Variants in WNK4 observed in about 807,000 individuals in gnomAD.
WNK4 encodes the protein serine/threonine-protein kinase WNK4.
A neutral mutation model predicts 116.2 loss-of-function variants in WNK4; 94 were observed. That is an observed-to-expected ratio of 0.81 (90% CI 0.68 to 0.96). WNK4 has a LOEUF of 0.96. Ranked by LOEUF, WNK4 falls within the 40% of genes least tolerant of loss-of-function variation. WNK4 has a pLI of 0.00. For synonymous variants in WNK4, 655 were observed against 672.7 expected, an observed-to-expected ratio of 0.97 and a Z score of 0.41; for missense variants, 1,542 against 1,650.6, an observed-to-expected ratio of 0.93 and a Z score of 1.14.
In WNK4 at chr17:42,784,363, C is replaced by T; in HGVS notation, c.1013-59C>T. 2 of 1,596,104 alleles carry T rather than the reference C, an allele frequency of 1.3e-6. No homozygotes were observed. Among genetic ancestry groups the T allele is most frequent in the South Asian group, 2.3e-5 (2 of 88,758 alleles). On this transcript the variant is annotated intron_variant, in intron 3 of 18. Coordinates refer to ENST00000246914, the MANE Select transcript of WNK4 (RefSeq NM_032387.5). This position sits in a 1 kb window ranked among gnomAD's most constrained non-coding sequence, Gnocchi z 4.4. ...CAGGGTTGCCTGGGGCTGCCTAGCC[C>T]AGTGGGAAGGACGAGGCCAGAGTGC...
chr17:42,796,512 C>G lies in WNK4; in HGVS notation c.3663C>G (p.Ser1221Arg). The G allele has an allele frequency of 6.2e-7, 1 of 1,614,028 alleles. No individual in the cohort carries two copies. Among genetic ancestry groups the G allele is most frequent in the Non-Finnish European group, 8.5e-7 (1 of 1,179,906 alleles). ...GIMRRNSLSG[S>R]STGSQEQRAS... The stretch of plus-strand genomic sequence containing the variant: ...TGCGAAGGAACTCTCTGAGTGGCAG[C>G]AGCACCGGCTCCCAGGAGCAGCGGG... The change falls in exon 18 of 19, where the codon AGC (serine) becomes AGG (arginine). Residue 1221 changes from serine (S) to arginine (R), a missense_variant. Physicochemically the swap from Ser to Arg is moderately radical, Grantham distance 110 (BLOSUM62 -1). Around this residue, in one of 7 missense-constraint regions of WNK4, gnomAD observed 148 missense variants for 157.2 expected, o/e 0.94. Coordinates refer to ENST00000246914, the MANE Select transcript of WNK4 (RefSeq NM_032387.5).
chr17:42,789,455 G>A (rs1204394583), intron 11 of WNK4, among the ~76,000 whole-genome samples: 1 of 150,866 alleles, frequency 6.6e-6, no homozygotes, highest in Non-Finnish European at 1.5e-5. Context: ...CCGAGGTCAG[G>A]AGTTCAAGAC....
rs996568896 is a variant in WNK4, at chr17:42,790,014, CAAAAACAA to C, written c.2157+1229_2157+1236del. 1.1e-4 allele frequency among the ~76,000 whole-genome samples: 16 copies of C among 150,906 alleles called. No individual in the cohort carries two copies. In the East Asian group the frequency reaches 2.7e-3, roughly 26 times the overall value. On this transcript the variant is annotated intron_variant, in intron 11 of 18. Coordinates refer to ENST00000246914, the MANE Select transcript of WNK4 (RefSeq NM_032387.5). ...GAGTGAACTTTGTCTCAAAAAAAAACAAAAACAAAAAAACAAAAAGGCACAGTGTAACG... is the reference window on the plus strand; with the variant it reads ...GAGTGAACTTTGTCTCAAAAAAAAACAAAAACAAAAAGGCACAGTGTAACG...
chr17:42,785,586 G>T, intron 6 of WNK4, 104 bp downstream of exon 6: 2 of 1,350,120 alleles, frequency 1.5e-6, no homozygotes, highest in South Asian at 1.3e-5. Flanking sequence ...AGCGATGGGG[G>T]CGGGGCACCT....
chr17:42,796,722 C>G lies in WNK4; in HGVS notation c.*34C>G. 1 of 1,614,182 alleles carries G rather than the reference C, an allele frequency of 6.2e-7. No individual in the cohort carries two copies. The highest frequency in any genetic ancestry group is 8.5e-7 in the Non-Finnish European group (1 of 1,180,028). On this transcript the variant is annotated 3_prime_UTR_variant, in exon 19 of 19. Transcript: ENST00000246914. ...CAGAAGCCATGTATCTCCCCCACAC[C>G]AGGGCCCACCATGGAGCTTGTGTTC...
At position 42,788,313 on chromosome 17, in the gene WNK4, G is replaced by A. The variant is rs537003369; in HGVS notation, c.1946G>A (p.Gly649Asp). 1 of 1,614,130 alleles carries A rather than the reference G, an allele frequency of 6.2e-7. No homozygotes were observed. Among genetic ancestry groups the A allele is most frequent in the African/African-American group, 1.3e-5 (1 of 75,038 alleles). ...AGCTATGCCTCAGATGCAGCTTCAG[G>A]CCTTAGCGATGTGGGAGAAGGGATG... Reference protein sequence around the residue: ...GDSYASDAASGLSDVGEGMGQ... With the variant: ...GDSYASDAASDLSDVGEGMGQ... Residue 649 changes from glycine (G) to aspartate (D), a missense_variant, in exon 10 of 19, where the codon GGC (glycine) becomes GAC (aspartate). By Grantham distance (94) the Gly-to-Asp change is moderately conservative. Transcript: ENST00000246914.
intron 1 of WNK4, 85 bp downstream of exon 1, chr17:42,781,401 A>G (rs1490462216): frequency 6.4e-7 from 1 of 1,569,684 alleles, no homozygotes; most frequent in African/African-American, 1.4e-5. Context: ...GGGAGACAGC[A>G]TCAAGGGAAG....
chr17:42,795,013 A>T lies in WNK4; in HGVS notation c.2592A>T (p.Pro864=). Reference sequence around the variant, plus strand: ...CACACCCCACCAGCTCTCCACTTCCATTCTCCTCCAGCACACCCGAGTTTC... The same window carrying T: ...CACACCCCACCAGCTCTCCACTTCCTTTCTCCTCCAGCACACCCGAGTTTC... ...PSPHPTSSPL[P]FSSSTPEFPV... Residue 864 remains proline, a synonymous_variant, in exon 14 of 19, where the codon CCA becomes CCT. Coordinates refer to ENST00000246914, the MANE Select transcript of WNK4 (RefSeq NM_032387.5). 6.3e-7 allele frequency: 1 copy of T among 1,597,364 alleles called. No individual in the cohort carries two copies. Among genetic ancestry groups the T allele is most frequent in the African/African-American group, 1.5e-5 (1 of 68,756 alleles).
At position 42,796,818 on chromosome 17, in the gene WNK4, A is replaced by T; in HGVS notation, c.*130A>T. ...CCCAACACTGAAGGGGTAGAAGGCC[A>T]GGGGGGCATGGAGAGTGCAGCTCCA... On this transcript the variant is annotated 3_prime_UTR_variant, in exon 19 of 19. Coordinates refer to ENST00000246914, the MANE Select transcript of WNK4 (RefSeq NM_032387.5). 10 of 1,592,200 alleles carry T rather than the reference A, an allele frequency of 6.3e-6. No individual in the cohort carries two copies. The South Asian group carries it at 1.1e-4, about 18-fold the overall frequency.
intron 18 of WNK4, 24 bp from the exon 19 acceptor site, chr17:42,796,662 C>T (rs1462895041): frequency 9.3e-6 from 15 of 1,614,102 alleles, no homozygotes; most frequent in African/African-American, 1.3e-5. Context: ...GAGGTTTCTT[C>T]ATCACTTTTT....
Position 42,784,926 on chromosome 17 carries a change from T to TGGGGGG in WNK4, c.1171-166_1171-161dup, listed in dbSNP as rs35483050. Among the ~76,000 whole-genome samples, 1 of 113,106 alleles carries TGGGGGG rather than the reference T, an allele frequency of 8.8e-6. No homozygotes were observed. Among genetic ancestry groups the TGGGGGG allele is most frequent in the African/African-American group, 3.9e-5 (1 of 25,332 alleles). The allele number at this position is 113,106 out of a possible 152,430, so 74.2% of individuals were successfully genotyped here. ...TGTTCAAGATCACACTGTAAATACT[T>TGGGGGG]GGGGGGGGGGCGGGGATTAGGATTT... is the stretch of plus-strand genomic sequence containing the variant. On this transcript the variant is annotated intron_variant, in intron 4 of 18. Coordinates refer to ENST00000246914, the MANE Select transcript of WNK4 (RefSeq NM_032387.5). The surrounding 1 kb of genome is among the most constrained non-coding windows in gnomAD (Gnocchi z 4.4).
At chr17:42,789,998 T>G (rs1202276974) in intron 11 of WNK4, among the ~76,000 whole-genome samples, 4 of 151,402 alleles carry the variant, frequency 2.6e-5, no homozygotes, top group Admixed American at 6.6e-5. Context: ...AGAGTGAACT[T>G]TGTCTCAAAA....
chr17:42,783,830 A>G (rs769780676), intron 2 of WNK4, 107 bp from the exon 3 acceptor site: 3 of 1,052,320 alleles, frequency 2.9e-6, no homozygotes, highest in Non-Finnish European at 4.3e-6. Context: ...CTGGCAGAAG[A>G]TGCGGAGGCG....
At chr17:42,796,408 CG>C in intron 17 of WNK4, 72 bp from the exon 18 acceptor site, 1 of 1,613,580 alleles carries the variant, frequency 6.2e-7, no homozygotes, top group South Asian at 1.1e-5. Context: ...GGGTCTGCCC[CG>C]GGGGAATAGA....
Position 42,780,647 on chromosome 17 carries a change from GCCT to G in WNK4, c.-47_-45del. 6.3e-7 allele frequency: 1 copy of G among 1,595,976 alleles called. No individual in the cohort carries two copies. The highest frequency in any genetic ancestry group is 1.3e-5 in the African/African-American group (1 of 74,448). On this transcript the variant is annotated 5_prime_UTR_variant, in exon 1 of 19. Coordinates refer to ENST00000246914, the MANE Select transcript of WNK4 (RefSeq NM_032387.5). ...ACCCAGCGAGTCCGTCTGTCAGGCC[GCCT>G]CCTCTCCGGCCGTCTGATTTTCTAC... is the stretch of plus-strand genomic sequence containing the variant.
chr17:42,782,680 C>A lies in WNK4; in HGVS notation c.619-78C>A. 6.4e-7 allele frequency: 1 copy of A among 1,565,300 alleles called. No homozygotes were observed. The highest frequency in any genetic ancestry group is 1.4e-5 in the African/African-American group (1 of 73,828). On this transcript the variant is annotated intron_variant, in intron 1 of 18. Transcript: ENST00000246914. The surrounding 1 kb of genome is among the most constrained non-coding windows in gnomAD (Gnocchi z 4.2). Reference sequence around the variant, plus strand: ...TGGGCTCCAACCCTCACCTCTTCCCCCAACCCCACTCCAGGTGTCCCTCTT... The same window carrying A: ...TGGGCTCCAACCCTCACCTCTTCCCACAACCCCACTCCAGGTGTCCCTCTT...
At position 42,784,926 on chromosome 17, in the gene WNK4, T is replaced by TGG. The variant is rs35483050; in HGVS notation, c.1171-162_1171-161dup. On this transcript the variant is annotated intron_variant, in intron 4 of 18. Coordinates refer to ENST00000246914, the MANE Select transcript of WNK4 (RefSeq NM_032387.5). This position sits in a 1 kb window ranked among gnomAD's most constrained non-coding sequence, Gnocchi z 4.4. ...TGTTCAAGATCACACTGTAAATACTTGGGGGGGGGGCGGGGATTAGGATTT... is the reference window on the plus strand; with the variant it reads ...TGTTCAAGATCACACTGTAAATACTTGGGGGGGGGGGGCGGGGATTAGGATTT... Among the ~76,000 whole-genome samples the TGG allele has an allele frequency of 0.048, 5,456 of 112,768 alleles. 437 individuals are homozygous for TGG. The highest frequency in any genetic ancestry group is 0.2 in the African/African-American group (5,013 of 25,060). 74.0% of individuals were successfully genotyped at this position (112,768 alleles called of 152,430 possible).
At chr17:42,793,422 C>G (rs1246608832) in intron 11 of WNK4, among the ~76,000 whole-genome samples, 170 bp from the exon 12 acceptor site, 1 of 152,074 alleles carries the variant, frequency 6.6e-6, no homozygotes, top group Non-Finnish European at 1.5e-5. Flanking sequence ...GTTGGCCAGG[C>G]TGGTCTTAAA....
In WNK4 at chr17:42,785,377, G is replaced by A. The variant is rs1435405401; in HGVS notation, c.1371G>A (p.Leu457=). The A allele has an allele frequency of 6.2e-7, 1 of 1,602,494 alleles. No homozygotes were observed. Among genetic ancestry groups the A allele is most frequent in the Non-Finnish European group, 8.5e-7 (1 of 1,174,634 alleles). Residue 457 remains leucine (L), a synonymous_variant, in exon 6 of 19, where the codon CTG becomes CTA. Transcript: ENST00000246914. ...DGEKPGLKLW[L]RMEDARRGGR... ...AGAAGCCGGGCCTCAAGCTCTGGCT[G>A]CGCATGGAGGACGCGCGGCGCGGGG...
Sources: gnomAD v4.1 joint callset for allele counts (sites outside exome capture counted in the v4.1 genomes callset) on GRCh38, gnomAD v4.1.1 for gene constraint, gnomAD v4.1.1 regional missense constraint, Gnocchi (gnomAD v3.1) non-coding constraint, MANE v1.5 for transcripts, NCBI Gene and HGNC (gene_info 2026-07-23, HGNC 2026-07-21) for gene names.